The following TSPAN14 variants were observed in gnomAD, a reference collection of about 807,000 sequenced individuals.
TSPAN14 encodes the protein tetraspanin-14.
A neutral mutation model predicts 36.6 loss-of-function variants in TSPAN14; 16 were observed. The ratio of observed to expected loss-of-function variants is 0.44; its 90% confidence interval spans 0.30 to 0.66. The LOEUF (loss-of-function observed/expected upper bound fraction) is 0.66, where lower values mean the gene tolerates loss of function less well. Ranked by LOEUF, TSPAN14 falls within the 30% of genes least tolerant of loss-of-function variation. TSPAN14 has a pLI of 0.12. For missense variants in TSPAN14, 231 were observed against 355.1 expected (o/e 0.65, Z 2.81); for synonymous variants, 139 against 143.8 (o/e 0.97, Z 0.24).
intron 2 of TSPAN14, among the ~76,000 whole-genome samples, chr10:80,490,410 G>A (rs1419863438): frequency 2.0e-5 from 3 of 152,134 alleles, no homozygotes; most frequent in East Asian, 3.8e-4. Flanking sequence ...AGGTTGGGTC[G>A]AGGAAGAAAA....
chr10:80,504,266 A>ATGCTGGGCTGTT (rs1202782339), intron 2 of TSPAN14, among the ~76,000 whole-genome samples: 5 of 152,156 alleles, frequency 3.3e-5, no homozygotes, highest in African/African-American at 1.2e-4. Context: ...TGTGGCAGAG[A>ATGCTGGGCTGTT]TGCTGGGCTG....
At chr10:80,471,710 A>G (rs1420807639) in intron 1 of TSPAN14, among the ~76,000 whole-genome samples, 1 of 152,134 alleles carries the variant, frequency 6.6e-6, no homozygotes, top group Non-Finnish European at 1.5e-5. Context: ...CTTGGAAGTC[A>G]AGGTGCCAGG....
chr10:80,507,058 G>A (rs867681784), intron 3 of TSPAN14, 170 bp from the exon 4 acceptor site: 30 of 778,448 alleles, frequency 3.9e-5, no homozygotes, highest in Middle Eastern at 3.8e-4. Flanking sequence ...TCGCCTGGTC[G>A]GAGGGGCCCC....
chr10:80,488,693 G>A (rs905640884), intron 1 of TSPAN14, among the ~76,000 whole-genome samples: 2 of 152,142 alleles, frequency 1.3e-5, no homozygotes, highest in African/African-American at 4.8e-5. Context: ...GTTGGATCAT[G>A]TCCAGACCTG....
chr10:80,479,646 G>A lies in TSPAN14; in HGVS notation c.-17-9571G>A, dbSNP rs551432712. Among the ~76,000 whole-genome samples the A allele has an allele frequency of 4.0e-3, 613 of 152,192 alleles. 5 individuals are homozygous for A. The highest frequency in any genetic ancestry group is 0.014 in the African/African-American group (571 of 41,486). On this transcript the variant is annotated intron_variant, in intron 1 of 8. Coordinates refer to ENST00000429989, the Ensembl canonical transcript of TSPAN14. ...CTGAGGCCTCTGTTCTGTTCCATTG[G>A]TCTATATCTCTGTTTTGGTGCCAGT...
At chr10:80,505,331 G>A (rs1840227936) in intron 3 of TSPAN14, among the ~76,000 whole-genome samples, 2 of 152,162 alleles carry the variant, frequency 1.3e-5, no homozygotes, top group South Asian at 4.1e-4. Flanking sequence ...GCTCCAGGAA[G>A]GGGATGAGAC....
At chr10:80,466,194 A>C (rs1314028818) in intron 1 of TSPAN14, among the ~76,000 whole-genome samples, 1 of 152,224 alleles carries the variant, frequency 6.6e-6, no homozygotes, top group Non-Finnish European at 1.5e-5. Flanking sequence ...TTATCAGCCA[A>C]GTCTTACAAA....
chr10:80,504,832 T>A (rs541075857), intron 3 of TSPAN14, 54 bp downstream of exon 3: 2 of 1,590,840 alleles, frequency 1.3e-6, no homozygotes, highest in Admixed American at 3.3e-5. Context: ...ACCAGATTCG[T>A]TGGACTTCAT....
At chr10:80,454,997 G>T (rs1227269457) in intron 1 of TSPAN14, among the ~76,000 whole-genome samples, 1 of 152,190 alleles carries the variant, frequency 6.6e-6, no homozygotes, top group Non-Finnish European at 1.5e-5. Flanking sequence ...GCTTCTCCGC[G>T]TTAGTCGTGT....
At position 80,487,536 on chromosome 10, in the gene TSPAN14, G is replaced by C. The variant is rs1847678893; in HGVS notation, c.-17-1681G>C. Among the ~76,000 whole-genome samples the C allele has an allele frequency of 1.3e-5, 2 of 152,154 alleles. 1 individual carries two copies. Among genetic ancestry groups the C allele is most frequent in the South Asian group, 4.1e-4 (2 of 4,834 alleles). On this transcript the variant is annotated intron_variant, in intron 1 of 8. Coordinates refer to ENST00000429989, the Ensembl canonical transcript of TSPAN14. ...TCCTGAGAGAGCAGGGACTTGCATG[G>C]GCTGAGGTCATGTTGCTGAAGGAAG...
intron 6 of TSPAN14, 56 bp downstream of exon 6, chr10:80,512,325 T>C: frequency 6.2e-7 from 1 of 1,603,246 alleles, no homozygotes; most frequent in Non-Finnish European, 8.5e-7. Flanking sequence ...GCCCAGAAGC[T>C]TTCCTGACTC....
chr10:80,468,854 C>G (rs1384680430), intron 1 of TSPAN14, among the ~76,000 whole-genome samples: 2 of 152,090 alleles, frequency 1.3e-5, no homozygotes, highest in African/African-American at 2.4e-5. Context: ...GCCACCATGC[C>G]CGGCCTGAAT....
chr10:80,481,072 T>C (rs899581204), intron 1 of TSPAN14, among the ~76,000 whole-genome samples: 1 of 152,000 alleles, frequency 6.6e-6, no homozygotes, highest in African/African-American at 2.4e-5. Flanking sequence ...GCCAGGGCTC[T>C]CCAGCCAGGG....
chr10:80,476,062 TA>T (rs1441739396), intron 1 of TSPAN14, among the ~76,000 whole-genome samples: 1 of 152,190 alleles, frequency 6.6e-6, no homozygotes, highest in African/African-American at 2.4e-5. Flanking sequence ...CCAGATTACA[TA>T]AAAATATCTA....
intron 1 of TSPAN14, among the ~76,000 whole-genome samples, chr10:80,480,969 G>T (rs1386529933): frequency 6.6e-6 from 1 of 152,138 alleles, no homozygotes; most frequent in Non-Finnish European, 1.5e-5. Flanking sequence ...AGCTGGGCGT[G>T]GTGGTGCATG....
At chr10:80,515,318 G>C (rs935251866) in intron 7 of TSPAN14, 1 of 152,352 alleles carries the variant, frequency 6.6e-6, no homozygotes. Context: ...GTCTGTTCCA[G>C]GCCTCTCTCC....
chr10:80,505,522 G>A (rs529067252), intron 3 of TSPAN14, among the ~76,000 whole-genome samples: 1 of 152,314 alleles, frequency 6.6e-6, no homozygotes, highest in South Asian at 2.1e-4. Context: ...TTGAGCCTAG[G>A]CCTTCTTCCT....
intron 2 of TSPAN14, among the ~76,000 whole-genome samples, chr10:80,501,269 T>C (rs1156623810): frequency 6.8e-6 from 1 of 146,820 alleles, no homozygotes; most frequent in African/African-American, 2.5e-5. Context: ...TTTTTACAGC[T>C]AATTTTTTTA....
chr10:80,488,345 C>T (rs1192794400), intron 1 of TSPAN14, among the ~76,000 whole-genome samples: 1 of 152,164 alleles, frequency 6.6e-6, no homozygotes, highest in Non-Finnish European at 1.5e-5. Flanking sequence ...AAAAGTCCCT[C>T]GGAAATAGCA....
Sources: allele counts gnomAD v4.1 joint callset (sites outside exome capture counted in the v4.1 genomes callset), GRCh38; gene constraint gnomAD v4.1.1; transcripts MANE v1.5; gene names NCBI Gene and HGNC (gene_info 2026-07-23, HGNC 2026-07-21).